Variants in POTEE observed in about 807,000 individuals in gnomAD.
POTEE encodes the protein POTE ankyrin domain family member E, also known as ANKRD26-like family C member 1A.
A neutral mutation model predicts 74.2 loss-of-function variants in POTEE; 21 were observed. That is an observed-to-expected ratio of 0.28 (90% confidence interval 0.20 to 0.41). The LOEUF is 0.41. POTEE is among the 10% of genes least tolerant of loss of function. The probability of loss-of-function intolerance (pLI) is 1.00; values close to 1 mark genes in which losing one functional copy is unlikely to be tolerated. For missense variants in POTEE, 525 were observed against 1,158.6 expected (o/e 0.45, Z 7.94); for synonymous variants, 211 against 432.8 (o/e 0.49, Z 6.36).
Position 131,228,372 on chromosome 2 carries a change from A to G in POTEE, c.1046A>G (p.His349Arg), listed in dbSNP as rs201348719. ...GCCAGAGAGTATGCTGTTTCTAGTC[A>G]TCATCATGTGTAAGTGTTTACATTA... is the stretch of plus-strand genomic sequence containing the variant. Reference protein sequence around the residue: ...QTAREYAVSSHHHVICQLLSD... With the variant: ...QTAREYAVSSRHHVICQLLSD... The change falls in exon 8 of 18, where the codon CAT (histidine) becomes CGT (arginine). Residue 349 changes from histidine (H) to arginine (R), a missense_variant. By Grantham distance (29) the His-to-Arg change is conservative. Transcript: ENST00000683005. The G allele has an allele frequency of 0.06, 96,394 of 1,606,360 alleles. 714 individuals carry two copies. Among genetic ancestry groups the G allele is most frequent in the Non-Finnish European group, 0.072 (84,216 of 1,175,986 alleles).
At chr2:131,237,616 A>G (rs1194290225) in intron 10 of POTEE, among the ~76,000 whole-genome samples, 1 of 151,478 alleles carries the variant, frequency 6.6e-6, no homozygotes, top group African/African-American at 2.4e-5. Flanking sequence ...GATACATAAC[A>G]CTATCATATG....
Position 131,264,941 on chromosome 2 carries a change from T to C in POTEE, c.*258T>C, listed in dbSNP as rs1701864447. The C allele has an allele frequency of 2.3e-5, 14 of 607,888 alleles. 2 individuals carry two copies. The Middle Eastern group carries it at 1.7e-3, about 76-fold the overall frequency. 37.7% of individuals were successfully genotyped at this position (607,888 alleles called of 1,614,324 possible). The stretch of plus-strand genomic sequence containing the variant: ...TTCTTTTCAATAGTCATTCCAAATA[T>C]TGTGAGACGCATTGTTTCAGGAAGC... On this transcript the variant is annotated 3_prime_UTR_variant, in exon 18 of 18. Transcript: ENST00000683005.
chr2:131,226,711 A>T, intron 6 of POTEE, 112 bp from the exon 7 acceptor site: 1 of 1,530,462 alleles, frequency 6.5e-7, no homozygotes, highest in Admixed American at 1.9e-5. Context: ...AGTACATTTT[A>T]TTTACTTTCT....
intron 2 of POTEE, among the ~76,000 whole-genome samples, chr2:131,212,864 C>G (rs1002852661): frequency 3.3e-5 from 5 of 151,102 alleles, no homozygotes; most frequent in Admixed American, 6.6e-5. Flanking sequence ...ACGCCTGGCT[C>G]TCTGCCACCA....
intron 7 of POTEE, among the ~76,000 whole-genome samples, chr2:131,227,310 A>G (rs1311352594): frequency 1.3e-5 from 2 of 149,808 alleles, no homozygotes; most frequent in East Asian, 3.9e-4. Context: ...TTTCCATTAA[A>G]TCTGCTGTAT....
At chr2:131,230,790 A>G (rs1422162354) in intron 8 of POTEE, 46 bp from the exon 9 acceptor site, 8 of 1,567,178 alleles carry the variant, frequency 5.1e-6, no homozygotes, top group South Asian at 1.2e-5. Context: ...TTTTTTTTAT[A>G]TCAGTATTAA....
intron 9 of POTEE, among the ~76,000 whole-genome samples, chr2:131,233,496 C>CT: frequency 6.6e-6 from 1 of 151,950 alleles, no homozygotes; most frequent in South Asian, 2.1e-4. Context: ...TTATAGTTTC[C>CT]TTGTCATACA....
chr2:131,221,340 A>G (rs184864248), intron 4 of POTEE, among the ~76,000 whole-genome samples: 3 of 152,318 alleles, frequency 2.0e-5, no homozygotes, highest in African/African-American at 4.8e-5. Context: ...ACTTTGCTAT[A>G]ACAAGTGAGA....
At chr2:131,220,078 G>C (rs1397986162) in intron 4 of POTEE, among the ~76,000 whole-genome samples, 3 of 151,596 alleles carry the variant, frequency 2.0e-5, no homozygotes, top group Non-Finnish European at 4.4e-5. Flanking sequence ...TTCATGTTTG[G>C]AGAAAACTAG....
At chr2:131,239,793 C>T (rs1266765465) in intron 12 of POTEE, among the ~76,000 whole-genome samples, 2 of 151,658 alleles carry the variant, frequency 1.3e-5, no homozygotes, top group Admixed American at 6.6e-5. Context: ...ATAAGCAAAA[C>T]ACCAAAAGTT....
chr2:131,218,548 A>C lies in POTEE; in HGVS notation c.146A>C (p.His49Pro), dbSNP rs1337739979. The C allele has an allele frequency of 1.2e-6, 2 of 1,612,580 alleles. No individual in the cohort carries two copies. Among genetic ancestry groups the C allele is most frequent in the Non-Finnish European group, 1.7e-6 (2 of 1,179,782 alleles). ...AGCAACGTGGGCACTTCTGGAGACC[A>C]CGACGACTCTGCTATGAAGACACTC... ...GKSNVGTSGD[H>P]DDSAMKTLRS... The change falls in exon 4 of 18, where the codon CAC (histidine) becomes CCC (proline). Residue 49 changes from histidine (H) to proline (P), a missense_variant. Physicochemically the swap from His to Pro is moderately conservative, Grantham distance 77 (BLOSUM62 -2). Coordinates refer to ENST00000683005, the MANE Select transcript of POTEE (RefSeq NM_001083538.3).
At chr2:131,210,194 C>T (rs1482777747) in intron 1 of POTEE, among the ~76,000 whole-genome samples, 1 of 129,996 alleles carries the variant, frequency 7.7e-6, no homozygotes, top group Admixed American at 7.8e-5. Flanking sequence ...TGCCCTTACT[C>T]AGGGTGCGCT....
At chr2:131,225,176 A>G (rs1700742338) in intron 6 of POTEE, among the ~76,000 whole-genome samples, 1 of 148,618 alleles carries the variant, frequency 6.7e-6, no homozygotes, top group African/African-American at 2.5e-5. Context: ...TGTTTAAATA[A>G]TCAACAAGTC....
rs770095819 is a variant in POTEE, at chr2:131,226,970, G to A, written c.917+41G>A. On this transcript the variant is annotated intron_variant, in intron 7 of 17. Coordinates refer to ENST00000683005, the MANE Select transcript of POTEE (RefSeq NM_001083538.3). Reference sequence around the variant, plus strand: ...TTAATCTGTGTGTTCTAGATGGACAGCAGTCACTCAAGTCATAAATATTAA... The same window carrying A: ...TTAATCTGTGTGTTCTAGATGGACAACAGTCACTCAAGTCATAAATATTAA... The A allele has an allele frequency of 4.6e-5, 74 of 1,607,080 alleles. 1 individual carries two copies. The South Asian group carries it at 6.8e-4, about 15-fold the overall frequency.
At chr2:131,209,899 A>G (rs1389346019) in intron 1 of POTEE, among the ~76,000 whole-genome samples, 80 bp downstream of exon 1, 1 of 148,294 alleles carries the variant, frequency 6.7e-6, no homozygotes, top group Non-Finnish European at 1.5e-5. Flanking sequence ...CCGAGGCTGC[A>G]CTGCCTGTGT....
intron 4 of POTEE, among the ~76,000 whole-genome samples, chr2:131,221,277 G>T (rs1313302716): frequency 6.6e-6 from 1 of 152,060 alleles, no homozygotes; most frequent in Non-Finnish European, 1.5e-5. Context: ...GGACTAATAT[G>T]TAACTATTGA....
At chr2:131,258,324 A>AT (rs537600016) in intron 16 of POTEE, among the ~76,000 whole-genome samples, 461 of 78,724 alleles carry the variant, frequency 5.9e-3, no homozygotes, top group Middle Eastern at 0.024. Flanking sequence ...TCTCACGAAG[A>AT]TTTTTTTTTT....
At chr2:131,215,453 C>A (rs977787630) in intron 2 of POTEE, among the ~76,000 whole-genome samples, 1 of 152,024 alleles carries the variant, frequency 6.6e-6, no homozygotes, top group East Asian at 1.9e-4. Context: ...ATAGTCTTTA[C>A]AAATTTTTAC....
intron 8 of POTEE, among the ~76,000 whole-genome samples, chr2:131,229,064 G>A (rs1298369346): frequency 2.7e-5 from 4 of 150,812 alleles, no homozygotes; most frequent in South Asian, 2.1e-4. Context: ...TGCTCTGGCC[G>A]CTGGGCATCT....
Sources: allele counts gnomAD v4.1 joint callset (sites outside exome capture counted in the v4.1 genomes callset), GRCh38; gene constraint gnomAD v4.1.1; transcripts MANE v1.5; gene names NCBI Gene and HGNC (gene_info 2026-07-23, HGNC 2026-07-21).